FYN: variants seen among roughly 807,000 people sequenced by gnomAD.
FYN encodes the protein FYN proto-oncogene, Src family tyrosine kinase, also known as tyrosine-protein kinase Fyn.
FYN carries 10 observed loss-of-function variants against 70.2 expected under a neutral mutation model. The observed-to-expected ratio is 0.14, with a 90% CI of 0.09 to 0.24. FYN has a LOEUF of 0.24. FYN is among the 10% of genes least tolerant of loss of function. FYN has a pLI of 1.00. For synonymous variants in FYN, 236 were observed against 248.6 expected, an observed-to-expected ratio of 0.95 and a Z score of 0.48; for missense variants, 319 against 673.1, an observed-to-expected ratio of 0.47 and a Z score of 5.82.
At chr6:111,701,245 C>T (rs574450032) in intron 8 of FYN, among the ~76,000 whole-genome samples, 17 of 152,010 alleles carry the variant, frequency 1.1e-4, no homozygotes, top group Non-Finnish European at 2.1e-4. Flanking sequence ...AACTTAAATG[C>T]CAAGTAAAAA....
intron 2 of FYN, among the ~76,000 whole-genome samples, chr6:111,828,266 G>A (rs1477516870): frequency 6.6e-6 from 1 of 152,170 alleles, no homozygotes; most frequent in Non-Finnish European, 1.5e-5. Context: ...TGCTCTGTGG[G>A]ATACCCAAAG....
At chr6:111,663,110 G>GT (rs1178803738) in intron 13 of FYN, among the ~76,000 whole-genome samples, 5 of 152,064 alleles carry the variant, frequency 3.3e-5, no homozygotes, top group African/African-American at 1.2e-4. Context: ...CTTTTTCATT[G>GT]TATCACCTTC....
intron 3 of FYN, among the ~76,000 whole-genome samples, chr6:111,736,298 A>C (rs183977422): frequency 1.5e-4 from 23 of 152,332 alleles, no homozygotes; most frequent in African/African-American, 5.1e-4. Context: ...TTGCATAAAA[A>C]ATATAATATT....
At chr6:111,788,863 G>T (rs1420010441) in intron 2 of FYN, among the ~76,000 whole-genome samples, 1 of 151,930 alleles carries the variant, frequency 6.6e-6, no homozygotes, top group Non-Finnish European at 1.5e-5. Context: ...CCTTTCACTG[G>T]ATATAGTGGG....
chr6:111,714,758 G>A (rs1279576275), intron 4 of FYN, among the ~76,000 whole-genome samples: 2 of 152,218 alleles, frequency 1.3e-5, no homozygotes, highest in Non-Finnish European at 2.9e-5. Flanking sequence ...CAGCGTCAGC[G>A]TCAGGGTTCA....
At chr6:111,724,560 G>A (rs900260304) in intron 3 of FYN, among the ~76,000 whole-genome samples, 26 of 152,190 alleles carry the variant, frequency 1.7e-4, no homozygotes, top group African/African-American at 5.6e-4. Context: ...GCAGGAGCTA[G>A]GTACCAAAAT....
intron 5 of FYN, chr6:111,708,336 A>G (rs963632651): frequency 3.3e-6 from 1 of 302,416 alleles, no homozygotes; most frequent in African/African-American, 2.1e-5. Context: ...ATGGATGGAA[A>G]AGGAATCCAG....
intron 2 of FYN, among the ~76,000 whole-genome samples, chr6:111,794,554 C>T (rs1484754869): frequency 2.0e-5 from 3 of 152,214 alleles, no homozygotes; most frequent in East Asian, 3.8e-4. Flanking sequence ...CGGATCAGAT[C>T]TGGCCTGCTG....
chr6:111,827,855 G>A (rs896639232), intron 2 of FYN, among the ~76,000 whole-genome samples: 1 of 152,156 alleles, frequency 6.6e-6, no homozygotes, highest in African/African-American at 2.4e-5. Flanking sequence ...GGGGGAAACG[G>A]TGGATTCTGA....
chr6:111,723,547 T>C (rs1490289856), intron 3 of FYN, among the ~76,000 whole-genome samples: 2 of 152,196 alleles, frequency 1.3e-5, no homozygotes, highest in Non-Finnish European at 2.9e-5. Context: ...AATCAGTAAA[T>C]GCAGTTTCAA....
chr6:111,719,779 T>G, intron 4 of FYN, 26 bp downstream of exon 4: 1 of 1,610,484 alleles, frequency 6.2e-7, no homozygotes, highest in Non-Finnish European at 8.5e-7. Flanking sequence ...GCCCCCTCTC[T>G]GCACTCTGTG....
intron 3 of FYN, among the ~76,000 whole-genome samples, chr6:111,728,349 A>T (rs545239407): frequency 7.2e-5 from 11 of 152,310 alleles, no homozygotes; most frequent in African/African-American, 2.6e-4. Context: ...ATTTAAAGTG[A>T]GATATAATTC....
chr6:111,664,524 C>A (rs902050526), intron 13 of FYN, among the ~76,000 whole-genome samples: 8 of 152,128 alleles, frequency 5.3e-5, no homozygotes, highest in Non-Finnish European at 1.0e-4. Flanking sequence ...TTTAATTGGC[C>A]ACTGGGTCAT....
At chr6:111,837,362 T>G (rs990312334) in intron 2 of FYN, among the ~76,000 whole-genome samples, 1 of 152,112 alleles carries the variant, frequency 6.6e-6, no homozygotes, top group African/African-American at 2.4e-5. Flanking sequence ...TTTCCCCTAC[T>G]CCTACTCTTT....
chr6:111,774,700 C>G (rs1006556520), intron 3 of FYN, among the ~76,000 whole-genome samples: 2 of 151,990 alleles, frequency 1.3e-5, no homozygotes, highest in East Asian at 3.9e-4. Flanking sequence ...CTTTTTCCCC[C>G]CCTACTTATT....
At chr6:111,698,506 T>C (rs571769664) in intron 9 of FYN, among the ~76,000 whole-genome samples, 1 of 152,276 alleles carries the variant, frequency 6.6e-6, no homozygotes, top group African/African-American at 2.4e-5. Flanking sequence ...TACTGATCGA[T>C]ATTGTTTTTA....
At chr6:111,800,429 G>T (rs575816746) in intron 2 of FYN, among the ~76,000 whole-genome samples, 1 of 152,268 alleles carries the variant, frequency 6.6e-6, no homozygotes, top group East Asian at 1.9e-4. Context: ...CCACTCACGG[G>T]AGTGGAGCAG....
chr6:111,661,438 T>C lies in FYN; in HGVS notation c.*301A>G, dbSNP rs912332407. 4 of 259,632 alleles carry C rather than the reference T, an allele frequency of 1.5e-5. No homozygotes were observed. Among genetic ancestry groups the C allele is most frequent in the Non-Finnish European group, 2.2e-5 (3 of 137,412 alleles). The allele number at this position is 259,632 out of a possible 1,614,324, so 16.1% of individuals were successfully genotyped here. On this transcript the variant is annotated 3_prime_UTR_variant, in exon 14 of 14. Coordinates refer to ENST00000354650, the MANE Select transcript of FYN (RefSeq NM_002037.5). The surrounding 1 kb of genome is among the most constrained non-coding windows in gnomAD (Gnocchi z 4.0). Reference sequence around the variant, plus strand: ...TTAAAAAAGGAAAGCACTAGGATTGTTGGCACTGGAGTAACTATTTACACT... The same window carrying C: ...TTAAAAAAGGAAAGCACTAGGATTGCTGGCACTGGAGTAACTATTTACACT...
rs142454848 is a variant in FYN, at chr6:111,661,763, C to G, written c.1590G>C (p.Gln530His). 2 of 1,613,986 alleles carry G rather than the reference C, an allele frequency of 1.2e-6. No individual in the cohort carries two copies. The highest frequency in any genetic ancestry group is 1.3e-5 in the African/African-American group (1 of 74,916). The change falls in exon 14 of 14, where the codon CAG becomes CAC. Residue 530 changes from glutamine (Q) to histidine (H), a missense_variant. Physicochemically the swap from Gln to His is conservative, Grantham distance 24 (BLOSUM62 0). This residue lies in a region of FYN where 64 missense variants were observed against 223.0 expected (regional missense o/e 0.29). Coordinates refer to ENST00000354650, the MANE Select transcript of FYN (RefSeq NM_002037.5). This position sits in a 1 kb window ranked among gnomAD's most constrained non-coding sequence, Gnocchi z 4.0. ...CTTACAGGTTTTCACCAGGTTGGTACTGGGGCTCTGTCGCGGTAAAGTAGT... is the reference window on the plus strand; with the variant it reads ...CTTACAGGTTTTCACCAGGTTGGTAGTGGGGCTCTGTCGCGGTAAAGTAGT... ...LEDYFTATEPQYQPGENL is the reference protein window; with the variant it reads ...LEDYFTATEPHYQPGENL
Sources: gnomAD v4.1 joint callset for allele counts (sites outside exome capture counted in the v4.1 genomes callset) on GRCh38, gnomAD v4.1.1 for gene constraint, gnomAD v4.1.1 regional missense constraint, Gnocchi (gnomAD v3.1) non-coding constraint, MANE v1.5 for transcripts, NCBI Gene and HGNC (gene_info 2026-07-23, HGNC 2026-07-21) for gene names.